Variants in FHIT observed in about 807,000 individuals in gnomAD.
FHIT encodes fragile histidine triad diadenosine triphosphatase, also known as bis(5'-adenosyl)-triphosphatase.
Under a neutral mutation model 17.9 loss-of-function variants are expected in FHIT, and 19 were observed. That is an observed-to-expected ratio of 1.06 (90% CI 0.74 to 1.56). The LOEUF (loss-of-function observed/expected upper bound fraction) is 1.56. FHIT is among the 40% of genes most tolerant of loss of function. FHIT has a pLI of 0.00. For synonymous variants in FHIT, 81 were observed against 69.7 expected (o/e 1.16, Z -0.81); for missense variants, 248 against 189.2 (o/e 1.31, Z -1.82).
chr3:59,979,142 A>G (rs1708540707), intron 7 of FHIT, among the ~76,000 whole-genome samples: 1 of 152,116 alleles, frequency 6.6e-6, no homozygotes, highest in Admixed American at 6.6e-5. Context: ...AAAATGTCAC[A>G]CTGAGGCTGA....
At chr3:60,706,970 T>C (rs373735270) in intron 4 of FHIT, among the ~76,000 whole-genome samples, 12 of 152,350 alleles carry the variant, frequency 7.9e-5, no homozygotes, top group African/African-American at 2.6e-4. Flanking sequence ...GCCTGCTCCA[T>C]GCAGACAGGA....
At chr3:60,271,905 C>T (rs1335668610) in intron 5 of FHIT, among the ~76,000 whole-genome samples, 1 of 152,190 alleles carries the variant, frequency 6.6e-6, no homozygotes, top group Non-Finnish European at 1.5e-5. Flanking sequence ...TGAAAACTTA[C>T]CAAACTCCAG....
chr3:60,582,873 G>A (rs1420468069), intron 4 of FHIT, among the ~76,000 whole-genome samples: 1 of 151,878 alleles, frequency 6.6e-6, no homozygotes, highest in African/African-American at 2.4e-5. Flanking sequence ...TATTTTATAG[G>A]TAAGAAAACT....
At chr3:60,199,193 C>G (rs73834111) in intron 5 of FHIT, among the ~76,000 whole-genome samples, 4,592 of 152,162 alleles carry the variant, frequency 0.03, 228 homozygotes, top group African/African-American at 0.1. Context: ...CTGTGATTCC[C>G]CATTCCACTG....
chr3:60,399,992 C>A (rs1282899974), intron 5 of FHIT, among the ~76,000 whole-genome samples: 1 of 152,098 alleles, frequency 6.6e-6, no homozygotes, highest in Non-Finnish European at 1.5e-5. Flanking sequence ...GCAGTCAGTT[C>A]TATTACAGGA....
intron 2 of FHIT, among the ~76,000 whole-genome samples, chr3:61,064,250 C>G (rs1384446634): frequency 1.3e-5 from 2 of 151,952 alleles, no homozygotes; most frequent in Non-Finnish European, 2.9e-5. Context: ...AGAGGCCCAC[C>G]ACGAGATGGC....
At chr3:61,057,611 T>C (rs933588369) in intron 2 of FHIT, among the ~76,000 whole-genome samples, 3 of 152,176 alleles carry the variant, frequency 2.0e-5, no homozygotes, top group African/African-American at 7.2e-5. Context: ...GGCCATAAAT[T>C]ATGTTACATG....
intron 4 of FHIT, among the ~76,000 whole-genome samples, chr3:60,727,078 G>C (rs1553709771): frequency 6.6e-6 from 1 of 152,092 alleles, no homozygotes; most frequent in African/African-American, 2.4e-5. Flanking sequence ...ACTGTCTGTT[G>C]TGGAACTGAT....
At chr3:60,619,231 GTT>G (rs2039043457) in intron 4 of FHIT, among the ~76,000 whole-genome samples, 2 of 152,024 alleles carry the variant, frequency 1.3e-5, no homozygotes, top group African/African-American at 4.8e-5. Flanking sequence ...CACTGTCGTT[GTT>G]TACAATAAAG....
intron 5 of FHIT, among the ~76,000 whole-genome samples, chr3:60,028,262 C>T (rs1700839117): frequency 6.6e-6 from 1 of 152,174 alleles, no homozygotes; most frequent in Admixed American, 6.5e-5. Context: ...TTCCAATATG[C>T]ACATATTTCA....
intron 1 of FHIT, among the ~76,000 whole-genome samples, chr3:61,247,988 T>C (rs1299132275): frequency 6.6e-6 from 1 of 152,192 alleles, no homozygotes; most frequent in Non-Finnish European, 1.5e-5. Context: ...CTCTACTGCT[T>C]CTCTGCTATG....
At chr3:60,779,370 C>T (rs1553725218) in intron 4 of FHIT, among the ~76,000 whole-genome samples, 2 of 152,152 alleles carry the variant, frequency 1.3e-5, no homozygotes, top group East Asian at 1.9e-4. Flanking sequence ...TCAGAAAGAA[C>T]AGGAGGGATG....
chr3:59,752,738 C>T (rs1700987443), intron 8 of FHIT, among the ~76,000 whole-genome samples: 2 of 151,698 alleles, frequency 1.3e-5, no homozygotes, highest in South Asian at 4.2e-4. Context: ...CCTCCCTCCA[C>T]TCTCTCTTCC....
At chr3:60,042,275 C>G (rs929991286) in intron 5 of FHIT, among the ~76,000 whole-genome samples, 6 of 152,200 alleles carry the variant, frequency 3.9e-5, no homozygotes, top group Admixed American at 3.9e-4. Flanking sequence ...AAAATGTAAC[C>G]TGAAGTATCT....
At chr3:60,080,437 C>T (rs1201525244) in intron 5 of FHIT, among the ~76,000 whole-genome samples, 1 of 152,046 alleles carries the variant, frequency 6.6e-6, no homozygotes, top group Non-Finnish European at 1.5e-5. Context: ...AAAATATTTG[C>T]ATATTAGAGC....
intron 4 of FHIT, among the ~76,000 whole-genome samples, chr3:60,785,699 G>A (rs17063986): frequency 0.054 from 8,255 of 152,162 alleles, 242 homozygotes; most frequent in African/African-American, 0.077. Flanking sequence ...GCATCCTGTG[G>A]TGGCAAAAAG....
At chr3:60,574,704 C>A (rs75682679) in intron 4 of FHIT, among the ~76,000 whole-genome samples, 2,324 of 152,130 alleles carry the variant, frequency 0.015, 81 homozygotes, top group African/African-American at 0.053. Flanking sequence ...TCCCTGTACC[C>A]CTTCATTCCT....
intron 4 of FHIT, among the ~76,000 whole-genome samples, chr3:60,715,183 G>A (rs1306762564): frequency 2.0e-5 from 3 of 152,070 alleles, no homozygotes; most frequent in Non-Finnish European, 2.9e-5. Context: ...AAGCAATGGG[G>A]AAAGGATTCC....
chr3:60,412,478 T>C (rs1193753657), intron 5 of FHIT, among the ~76,000 whole-genome samples: 1 of 152,132 alleles, frequency 6.6e-6, no homozygotes, highest in African/African-American at 2.4e-5. Flanking sequence ...CTCTTACGCA[T>C]TTCCCTCTCT....
Sources: gnomAD v4.1 joint callset for allele counts (sites outside exome capture counted in the v4.1 genomes callset) on GRCh38, gnomAD v4.1.1 for gene constraint, MANE v1.5 for transcripts, NCBI Gene and HGNC (gene_info 2026-07-23, HGNC 2026-07-21) for gene names.